VPS13B: variants seen among roughly 807,000 people sequenced by gnomAD.
The protein encoded by VPS13B is vacuolar protein sorting 13 homolog B, also known as intermembrane lipid transfer protein VPS13B.
In VPS13B, 285 loss-of-function variants were observed where a neutral mutation model predicts 426.4. The ratio of observed to expected loss-of-function variants is 0.67; its 90% CI spans 0.61 to 0.74. The LOEUF (loss-of-function observed/expected upper bound fraction) is 0.74, where lower values mean the gene tolerates loss of function less well. Ranked by LOEUF, VPS13B falls within the 30% of genes least tolerant of loss-of-function variation. VPS13B has a pLI of 0.00. For missense variants in VPS13B, 4,537 were observed against 4,782.6 expected (o/e 0.95, Z 1.51); for synonymous variants, 1,676 against 1,676.4 (o/e 1.00, Z 0.01).
At chr8:99,824,939 G>A (rs951465318) in intron 51 of VPS13B, among the ~76,000 whole-genome samples, 1 of 152,172 alleles carries the variant, frequency 6.6e-6, no homozygotes, top group Non-Finnish European at 1.5e-5. Context: ...AGTGTTCTAT[G>A]CTGTATATGT....
intron 23 of VPS13B, among the ~76,000 whole-genome samples, chr8:99,455,506 A>T (rs1419707165): frequency 6.6e-6 from 1 of 152,172 alleles, no homozygotes; most frequent in African/African-American, 2.4e-5. Context: ...GCCAGCTCTT[A>T]CTGAAGTATA....
chr8:99,429,297 A>T (rs1341733986), intron 21 of VPS13B, among the ~76,000 whole-genome samples: 2 of 152,072 alleles, frequency 1.3e-5, no homozygotes, highest in African/African-American at 4.8e-5. Context: ...AAAAAAAAAA[A>T]AGAAAAAGTA....
At chr8:99,056,017 G>A (rs1414661822) in intron 3 of VPS13B, among the ~76,000 whole-genome samples, 22 of 151,034 alleles carry the variant, frequency 1.5e-4, no homozygotes, top group Middle Eastern at 6.8e-3. Context: ...CTGGGATTAC[G>A]GGTATGAGCC....
At chr8:99,541,881 T>C (rs1397758042) in intron 30 of VPS13B, among the ~76,000 whole-genome samples, 1 of 152,164 alleles carries the variant, frequency 6.6e-6, no homozygotes, top group East Asian at 1.9e-4. Context: ...TATAATATGT[T>C]AAACATAATT....
Position 99,141,398 on chromosome 8 carries a change from A to G in VPS13B, c.1652-1576A>G, listed in dbSNP as rs981016735. On this transcript the variant is annotated intron_variant, in intron 12 of 61. Transcript: ENST00000357162. ...TACAGTGACATCATTTAGGGAGTCTATTATCCCCTAAAGGACGCATAGCAG... is the reference window on the plus strand; with the variant it reads ...TACAGTGACATCATTTAGGGAGTCTGTTATCCCCTAAAGGACGCATAGCAG... Among the ~76,000 whole-genome samples the G allele has an allele frequency of 2.6e-5, 4 of 152,196 alleles. No individual in the cohort carries two copies. In the South Asian group the frequency reaches 8.3e-4, roughly 32 times the overall value.
chr8:99,274,788 T>A (rs552574033), intron 18 of VPS13B, among the ~76,000 whole-genome samples: 1 of 152,234 alleles, frequency 6.6e-6, no homozygotes, highest in African/African-American at 2.4e-5. Context: ...GCAAACTAAA[T>A]TTAAGGTAAG....
chr8:99,569,797 A>G (rs552440665), intron 31 of VPS13B, among the ~76,000 whole-genome samples: 6 of 152,084 alleles, frequency 3.9e-5, no homozygotes, highest in African/African-American at 1.4e-4. Flanking sequence ...TTTTTTGTTT[A>G]CAATCTATAC....
chr8:99,332,706 T>C (rs1810611114), intron 19 of VPS13B, among the ~76,000 whole-genome samples: 1 of 151,654 alleles, frequency 6.6e-6, no homozygotes, highest in Non-Finnish European at 1.5e-5. Flanking sequence ...CTTTATTCAT[T>C]TTCTTCCAGA....
chr8:99,369,265 A>G (rs1347105076), intron 19 of VPS13B, among the ~76,000 whole-genome samples: 1 of 152,232 alleles, frequency 6.6e-6, no homozygotes, highest in Non-Finnish European at 1.5e-5. Flanking sequence ...TTAGTTAAAG[A>G]ATGAAAGAAA....
chr8:99,846,659 A>G (rs370425018), intron 54 of VPS13B, among the ~76,000 whole-genome samples: 39 of 152,240 alleles, frequency 2.6e-4, no homozygotes, highest in East Asian at 7.7e-4. Context: ...ACAAGCAAAA[A>G]TTTCCCTCCA....
At chr8:99,573,575 G>A (rs1235384887) in intron 31 of VPS13B, among the ~76,000 whole-genome samples, 1 of 152,104 alleles carries the variant, frequency 6.6e-6, no homozygotes, top group Non-Finnish European at 1.5e-5. Flanking sequence ...CCCATTTCTT[G>A]TTTTTGTCAG....
intron 39 of VPS13B, among the ~76,000 whole-genome samples, chr8:99,728,321 C>T (rs1563885182): frequency 6.6e-6 from 1 of 152,192 alleles, no homozygotes; most frequent in African/African-American, 2.4e-5. Flanking sequence ...GATGACATCT[C>T]TGTTCAATAT....
intron 31 of VPS13B, among the ~76,000 whole-genome samples, chr8:99,575,223 A>G (rs1825721664): frequency 6.6e-6 from 1 of 152,140 alleles, no homozygotes; most frequent in Non-Finnish European, 1.5e-5. Context: ...TTCAAAGACT[A>G]AAAGGATATG....
rs576071680 is a variant in VPS13B, at chr8:99,758,961, C to A, written c.7051-7813C>A. Among the ~76,000 whole-genome samples the A allele has an allele frequency of 1.1e-4, 17 of 152,282 alleles. No homozygotes were observed. In the South Asian group the frequency reaches 3.5e-3, roughly 32 times the overall value. ...GCCAGGAGGATAAGTGTTCTCCTTG[C>A]TCACCAGTGCCACTGGCCTTTACTC... On this transcript the variant is annotated intron_variant, in intron 39 of 61. Coordinates refer to ENST00000357162, the MANE Select transcript of VPS13B (RefSeq NM_152564.5).
intron 26 of VPS13B, 118 bp downstream of exon 26, chr8:99,501,976 T>TC (rs750211521): frequency 0.032 from 38,529 of 1,202,722 alleles, 742 homozygotes; most frequent in East Asian, 0.044. Flanking sequence ...TGTCTGTCTT[T>TC]CCGTCTGTCT....
chr8:99,586,475 G>A (rs555559547), intron 33 of VPS13B, among the ~76,000 whole-genome samples: 8 of 152,220 alleles, frequency 5.3e-5, no homozygotes, highest in East Asian at 1.9e-4. Context: ...GAGTCATCCC[G>A]TCTTCCCAAC....
At chr8:99,058,453 AT>A (rs1436389699) in intron 3 of VPS13B, among the ~76,000 whole-genome samples, 1 of 151,728 alleles carries the variant, frequency 6.6e-6, no homozygotes, top group East Asian at 1.9e-4. Context: ...ATATATTAGA[AT>A]TTTTTTCTTT....
chr8:99,654,025 G>A (rs932852625), intron 34 of VPS13B, among the ~76,000 whole-genome samples: 10 of 150,812 alleles, frequency 6.6e-5, no homozygotes, highest in Non-Finnish European at 1.5e-4. Context: ...ATTGGATGAT[G>A]ATGATGATTA....
chr8:99,376,323 A>T (rs76695798), intron 19 of VPS13B, among the ~76,000 whole-genome samples: 3,314 of 152,264 alleles, frequency 0.022, 127 homozygotes, highest in African/African-American at 0.076. Context: ...TGAGTATATG[A>T]TGAAAATCTC....
Sources: allele counts gnomAD v4.1 joint callset (sites outside exome capture counted in the v4.1 genomes callset), GRCh38; gene constraint gnomAD v4.1.1; transcripts MANE v1.5; gene names NCBI Gene and HGNC (gene_info 2026-07-23, HGNC 2026-07-21).